TAFA1: variants seen among roughly 807,000 people sequenced by gnomAD.
TAFA1 encodes the protein chemokine-like protein TAFA-1.
In TAFA1, 4 loss-of-function variants were observed where a neutral mutation model predicts 18.5. The ratio of observed to expected loss-of-function variants is 0.22; its 90% CI spans 0.11 to 0.49. TAFA1 has a LOEUF of 0.49. Among genes scored for constraint, TAFA1 ranks in the 20% least tolerant of loss-of-function variants. The pLI is 0.98. For synonymous variants in TAFA1, 56 were observed against 55.2 expected, an observed-to-expected ratio of 1.01 and a Z score of -0.06; for missense variants, 147 against 169.0, an observed-to-expected ratio of 0.87 and a Z score of 0.72.
chr3:68,390,060 A>T (rs1172466841), intron 2 of TAFA1, among the ~76,000 whole-genome samples: 1 of 152,180 alleles, frequency 6.6e-6, no homozygotes, highest in Admixed American at 6.5e-5. Context: ...GGTCTTGCTC[A>T]GCAGACCCTA....
intron 2 of TAFA1, among the ~76,000 whole-genome samples, chr3:68,332,880 G>T (rs537919443): frequency 1.3e-5 from 2 of 152,134 alleles, no homozygotes; most frequent in African/African-American, 4.8e-5. Flanking sequence ...AGAACACACA[G>T]CCAATAACCA....
intron 2 of TAFA1, among the ~76,000 whole-genome samples, chr3:68,328,935 G>A (rs993694105): frequency 6.6e-6 from 1 of 151,714 alleles, no homozygotes. Context: ...AAATAGGAAG[G>A]CAAAAACAAA....
intron 2 of TAFA1, among the ~76,000 whole-genome samples, chr3:68,075,987 G>A (rs972171244): frequency 2.0e-5 from 3 of 152,200 alleles, no homozygotes; most frequent in African/African-American, 7.2e-5. Context: ...ATTAGCCTCT[G>A]TGCCTGGCTG....
intron 2 of TAFA1, among the ~76,000 whole-genome samples, chr3:68,110,912 G>A (rs977510298): frequency 2.6e-5 from 4 of 152,146 alleles, no homozygotes; most frequent in Non-Finnish European, 5.9e-5. Flanking sequence ...TGAAAGGTGG[G>A]TGGTTCCCTG....
chr3:68,319,498 C>A (rs767214701), intron 2 of TAFA1, among the ~76,000 whole-genome samples: 5 of 152,152 alleles, frequency 3.3e-5, no homozygotes, highest in Non-Finnish European at 5.9e-5. Context: ...TCATCCCCAG[C>A]GAATAATTAT....
chr3:68,355,170 A>G (rs2069338518), intron 2 of TAFA1, among the ~76,000 whole-genome samples: 1 of 151,946 alleles, frequency 6.6e-6, no homozygotes, highest in Admixed American at 6.6e-5. Flanking sequence ...GGGGTCTATC[A>G]TGCTCTCTTC....
chr3:68,054,344 C>A (rs985788437), intron 2 of TAFA1, among the ~76,000 whole-genome samples: 2 of 152,082 alleles, frequency 1.3e-5, no homozygotes, highest in African/African-American at 4.8e-5. Flanking sequence ...TTAAAAGGAG[C>A]CTGGCACCTC....
chr3:68,042,236 A>G (rs1483851382), intron 2 of TAFA1, among the ~76,000 whole-genome samples: 2 of 122,966 alleles, frequency 1.6e-5, no homozygotes, highest in Non-Finnish European at 1.7e-5. Flanking sequence ...GGGAAACTAA[A>G]CAATATAGAA....
At chr3:68,071,448 C>A (rs895405472) in intron 2 of TAFA1, among the ~76,000 whole-genome samples, 2 of 152,058 alleles carry the variant, frequency 1.3e-5, no homozygotes, top group Admixed American at 6.6e-5. Context: ...GGGACACAGC[C>A]AAACTATATC....
Position 68,519,808 on chromosome 3 carries a change from G to A in TAFA1, c.260-18948G>A, listed in dbSNP as rs186930431. ...CCATGAGGGCTCCACTTTCATGACC[G>A]AATTACCTCCCAAACACCCTATCTC... On this transcript the variant is annotated intron_variant, in intron 3 of 4. Transcript: ENST00000478136. Among the ~76,000 whole-genome samples, 8 of 152,192 alleles carry A rather than the reference G, an allele frequency of 5.3e-5. No individual in the cohort carries two copies. In the East Asian group the frequency reaches 5.8e-4, roughly 11 times the overall value.
intron 2 of TAFA1, among the ~76,000 whole-genome samples, chr3:68,138,743 A>G (rs1054645478): frequency 1.3e-5 from 2 of 152,248 alleles, no homozygotes; most frequent in Admixed American, 6.5e-5. Context: ...TAAAGCACTT[A>G]GCACAGAACT....
intron 3 of TAFA1, among the ~76,000 whole-genome samples, chr3:68,423,582 T>C (rs1306118374): frequency 6.6e-6 from 1 of 152,142 alleles, no homozygotes; most frequent in East Asian, 1.9e-4. Flanking sequence ...TGCCCCTTTT[T>C]TTTCTACATC....
chr3:68,291,636 C>T (rs780066237), intron 2 of TAFA1, among the ~76,000 whole-genome samples: 5 of 149,936 alleles, frequency 3.3e-5, no homozygotes, highest in Admixed American at 6.6e-5. Flanking sequence ...GGCCAAAAAA[C>T]GATCCACACG....
At chr3:68,118,720 G>C (rs772309738) in intron 2 of TAFA1, among the ~76,000 whole-genome samples, 2 of 151,988 alleles carry the variant, frequency 1.3e-5, no homozygotes, top group African/African-American at 4.8e-5. Context: ...TCCTTTTTTA[G>C]GCTGAATGAT....
intron 3 of TAFA1, among the ~76,000 whole-genome samples, chr3:68,462,052 A>G (rs2071793025): frequency 6.6e-6 from 1 of 151,958 alleles, no homozygotes; most frequent in Non-Finnish European, 1.5e-5. Context: ...ACTTTGGAAA[A>G]CTCTGGAAAA....
At chr3:68,530,151 G>T (rs1477143352) in intron 3 of TAFA1, among the ~76,000 whole-genome samples, 1 of 152,120 alleles carries the variant, frequency 6.6e-6, no homozygotes, top group Admixed American at 6.5e-5. Flanking sequence ...ATAAACATTT[G>T]CTGAATTTGA....
chr3:68,344,629 T>C (rs2069135990), intron 2 of TAFA1, among the ~76,000 whole-genome samples: 1 of 152,130 alleles, frequency 6.6e-6, no homozygotes, highest in Admixed American at 6.6e-5. Context: ...AGCCCTGACT[T>C]TTCCCCCTAG....
intron 2 of TAFA1, among the ~76,000 whole-genome samples, chr3:68,353,769 C>T (rs757401662): frequency 2.4e-4 from 36 of 152,018 alleles, no homozygotes; most frequent in Non-Finnish European, 4.3e-4. Flanking sequence ...AACGTTTTAA[C>T]ATGTGTGATG....
chr3:68,025,470 C>G (rs1038213601), intron 2 of TAFA1, among the ~76,000 whole-genome samples: 1 of 152,154 alleles, frequency 6.6e-6, no homozygotes, highest in Non-Finnish European at 1.5e-5. Context: ...AAAAGTTAGT[C>G]AGGTCTTGTC....
Sources: allele counts gnomAD v4.1 joint callset (sites outside exome capture counted in the v4.1 genomes callset), GRCh38; gene constraint gnomAD v4.1.1; transcripts MANE v1.5; gene names NCBI Gene and HGNC (gene_info 2026-07-23, HGNC 2026-07-21).